The following CSNK1D variants were observed in gnomAD, a reference collection of about 807,000 sequenced individuals.
CSNK1D encodes the protein casein kinase 1 delta, also known as casein kinase I isoform delta.
Under a neutral mutation model 46.6 loss-of-function variants are expected in CSNK1D, and 16 were observed. That is an observed-to-expected ratio of 0.34 (90% CI 0.23 to 0.52). CSNK1D has a LOEUF of 0.52. Ranked by LOEUF, CSNK1D falls within the 20% of genes least tolerant of loss-of-function variation. The pLI is 0.95. For missense variants in CSNK1D, 398 were observed against 578.4 expected, an observed-to-expected ratio of 0.69 and a Z score of 3.20; for synonymous variants, 276 against 228.2, an observed-to-expected ratio of 1.21 and a Z score of -1.89.
At chr17:82,256,066 C>T (rs984012835) in intron 2 of CSNK1D, among the ~76,000 whole-genome samples, 1 of 152,124 alleles carries the variant, frequency 6.6e-6, no homozygotes, top group Admixed American at 6.5e-5. Flanking sequence ...AAGAGAAAAG[C>T]AAAAGCAATG....
intron 1 of CSNK1D, among the ~76,000 whole-genome samples, chr17:82,269,811 C>T (rs894883294): frequency 1.6e-4 from 24 of 152,252 alleles, no homozygotes; most frequent in African/African-American, 4.6e-4. Flanking sequence ...TCTAGCCTAG[C>T]CCAGCTGAAC....
At position 82,248,881 on chromosome 17, in the gene CSNK1D, G is replaced by A; in HGVS notation, c.1191C>T (p.Thr397=). The change falls in exon 8 of 9, where the codon ACC becomes ACT. Residue 397 remains threonine (T), a synonymous_variant. Coordinates refer to ENST00000314028, the MANE Select transcript of CSNK1D (RefSeq NM_001893.6). The surrounding 1 kb of genome is among the most constrained non-coding windows in gnomAD (Gnocchi z 4.1). ...TGRQDTSRMS[T]SQIPGRVASS... The stretch of plus-strand genomic sequence containing the variant: ...CCGGGAGCTCTGCACCTACCTGTGA[G>A]GTGGACATGCGAGAGGTATCTTGTC... 1 of 1,610,440 alleles carries A rather than the reference G, an allele frequency of 6.2e-7. No homozygotes were observed. The highest frequency in any genetic ancestry group is 8.5e-7 in the Non-Finnish European group (1 of 1,178,202).
chr17:82,270,396 G>C (rs1258471132), intron 1 of CSNK1D, among the ~76,000 whole-genome samples: 1 of 152,106 alleles, frequency 6.6e-6, no homozygotes, highest in African/African-American at 2.4e-5. Context: ...AGAAAAACAA[G>C]AACCCAAAAG....
At chr17:82,270,095 C>T (rs1235035436) in intron 1 of CSNK1D, among the ~76,000 whole-genome samples, 1 of 152,242 alleles carries the variant, frequency 6.6e-6, no homozygotes, top group Non-Finnish European at 1.5e-5. Flanking sequence ...TCCTGAAGGG[C>T]CTTGCGGATC....
At chr17:82,254,252 G>C (rs1344958387) in intron 3 of CSNK1D, 1 of 280,724 alleles carries the variant, frequency 3.6e-6, no homozygotes, top group Non-Finnish European at 6.5e-6. Context: ...GCAGTGCGCT[G>C]AGCCGCCGGA....
rs1475888900 is a variant in CSNK1D, at chr17:82,249,145, GCCA to G, written c.1058-134_1058-132del. Reference sequence around the variant, plus strand: ...AGTCAGGACCTGGCTGTGGCCGATGGCCACCAACACTCAGATCCGGCCGGAGGG... The same window carrying G: ...AGTCAGGACCTGGCTGTGGCCGATGGCCAACACTCAGATCCGGCCGGAGGG... On this transcript the variant is annotated intron_variant, in intron 7 of 8. Transcript: ENST00000314028. This position sits in a 1 kb window ranked among gnomAD's most constrained non-coding sequence, Gnocchi z 6.7. The G allele has an allele frequency of 6.1e-6, 7 of 1,152,520 alleles. No homozygotes were observed. The highest frequency in any genetic ancestry group is 7.3e-6 in the Non-Finnish European group (6 of 823,296). 71.4% of individuals were successfully genotyped at this position (1,152,520 alleles called of 1,614,324 possible).
chr17:82,253,861 C>A (rs778026212), intron 3 of CSNK1D: 1 of 247,988 alleles, frequency 4.0e-6, no homozygotes, highest in Non-Finnish European at 7.6e-6. Flanking sequence ...AGCCAGTCAG[C>A]TGAGCCGCCG....
intron 1 of CSNK1D, 116 bp from the exon 2 acceptor site, chr17:82,265,912 G>A: frequency 2.3e-6 from 2 of 861,746 alleles, no homozygotes; most frequent in South Asian, 1.3e-5. Flanking sequence ...TGAGGGATGT[G>A]TTCTCCTTCC....
intron 1 of CSNK1D, among the ~76,000 whole-genome samples, chr17:82,272,757 G>A (rs7209167): frequency 1.3e-5 from 2 of 152,076 alleles, no homozygotes; most frequent in African/African-American, 4.8e-5. Flanking sequence ...CACCGGGGCA[G>A]CCTCTGAGGG....
chr17:82,270,967 G>A (rs751989914), intron 1 of CSNK1D, among the ~76,000 whole-genome samples: 15 of 152,284 alleles, frequency 9.9e-5, no homozygotes, highest in Middle Eastern at 6.8e-3. Flanking sequence ...CTCCACCTCT[G>A]GAATTACTTG....
chr17:82,257,200 G>T (rs560895829), intron 2 of CSNK1D, among the ~76,000 whole-genome samples: 28 of 152,026 alleles, frequency 1.8e-4, no homozygotes, highest in African/African-American at 6.5e-4. Context: ...TTCTATCATG[G>T]TATCTTTTTC....
chr17:82,264,068 C>T (rs112038143), intron 2 of CSNK1D, among the ~76,000 whole-genome samples: 2,223 of 152,324 alleles, frequency 0.015, 44 homozygotes, highest in African/African-American at 0.05. Flanking sequence ...TTAGAAACGT[C>T]GGTTTCTTGT....
chr17:82,259,993 C>A (rs1402394576), intron 2 of CSNK1D, among the ~76,000 whole-genome samples: 1 of 149,388 alleles, frequency 6.7e-6, no homozygotes, highest in Non-Finnish European at 1.5e-5. Flanking sequence ...TGATGGTGTA[C>A]TGAGTGATGT....
chr17:82,249,070 G>C lies in CSNK1D; in HGVS notation c.1058-56C>G. 4.6e-6 allele frequency: 7 copies of C among 1,537,086 alleles called. No individual in the cohort carries two copies. Among genetic ancestry groups the C allele is most frequent in the Non-Finnish European group, 6.1e-6 (7 of 1,139,012 alleles). On this transcript the variant is annotated intron_variant, in intron 7 of 8. Coordinates refer to ENST00000314028, the MANE Select transcript of CSNK1D (RefSeq NM_001893.6). The surrounding 1 kb of genome is among the most constrained non-coding windows in gnomAD (Gnocchi z 6.7). ...GCCCCCGTCTGCTGCCTCTCACTCG[G>C]GGCTTTCTATGAGAGGCTGTGGCCA...
rs1314143712 is a variant in CSNK1D at position 82,242,751 on chromosome 17, G to C, written c.*2030C>G. 1 of 985,356 alleles carries C rather than the reference G, an allele frequency of 1.0e-6. No individual in the cohort carries two copies. Among genetic ancestry groups the C allele is most frequent in the African/African-American group, 1.7e-5 (1 of 57,246 alleles). The allele number at this position is 985,356 out of a possible 1,614,324, so 61.0% of individuals were successfully genotyped here. A position where few individuals can be genotyped will look rare whatever the true frequency, so the allele number is the denominator to read the frequency against. ...TGGCGATACAAACGCACAGCTCGGA[G>C]ACTGGCCGTCAGTGCACAGCTGACA... On this transcript the variant is annotated 3_prime_UTR_variant, in exon 9 of 9. Coordinates refer to ENST00000314028, the MANE Select transcript of CSNK1D (RefSeq NM_001893.6).
Position 82,249,138 on chromosome 17 carries a change from G to C in CSNK1D, c.1058-124C>G. The C allele has an allele frequency of 8.2e-7, 1 of 1,217,750 alleles. No homozygotes were observed. Among genetic ancestry groups the C allele is most frequent in the Non-Finnish European group, 1.1e-6 (1 of 881,378 alleles). The allele number at this position is 1,217,750 out of a possible 1,614,324, so 75.4% of individuals were successfully genotyped here. A position where few individuals can be genotyped will look rare whatever the true frequency, so the allele number is the denominator to read the frequency against. ...CCTGGACAGTCAGGACCTGGCTGTG[G>C]CCGATGGCCACCAACACTCAGATCC... On this transcript the variant is annotated intron_variant, in intron 7 of 8. Transcript: ENST00000314028. This position sits in a 1 kb window ranked among gnomAD's most constrained non-coding sequence, Gnocchi z 6.7.
Position 82,273,138 on chromosome 17 carries a change from C to A in CSNK1D, c.76+168G>T. 2.9e-6 allele frequency: 2 copies of A among 685,656 alleles called. No individual in the cohort carries two copies. The highest frequency in any genetic ancestry group is 5.7e-5 in the East Asian group (2 of 35,210). The allele number at this position is 685,656 out of a possible 1,614,324, so 42.5% of individuals were successfully genotyped here. On this transcript the variant is annotated intron_variant, in intron 1 of 8. Coordinates refer to ENST00000314028, the MANE Select transcript of CSNK1D (RefSeq NM_001893.6). The surrounding 1 kb of genome is among the most constrained non-coding windows in gnomAD (Gnocchi z 5.1). ...TCCGCTCCCCACTGCCCTCCCCACCCCTGGCCGCGCTAGCCTAGTGGCCGT... is the reference window on the plus strand; with the variant it reads ...TCCGCTCCCCACTGCCCTCCCCACCACTGGCCGCGCTAGCCTAGTGGCCGT...
At position 82,273,449 on chromosome 17, in the gene CSNK1D, G is replaced by A; in HGVS notation, c.-68C>T. 3 of 1,568,122 alleles carry A rather than the reference G, an allele frequency of 1.9e-6. No homozygotes were observed. Among genetic ancestry groups the A allele is most frequent in the Non-Finnish European group, 2.6e-6 (3 of 1,152,482 alleles). On this transcript the variant is annotated 5_prime_UTR_variant, in exon 1 of 9. Transcript: ENST00000314028. The surrounding 1 kb of genome is among the most constrained non-coding windows in gnomAD (Gnocchi z 5.1). ...CTGGGTCTGAACTCTGGGAGGCGGC[G>A]CCGCTGCTGCCGCTACTGCGGGTCC...
intron 2 of CSNK1D, among the ~76,000 whole-genome samples, chr17:82,256,187 G>GT (rs2051170128): frequency 6.6e-6 from 1 of 152,230 alleles, no homozygotes; most frequent in African/African-American, 2.4e-5. Context: ...TGGCTGCATA[G>GT]TATCAGTGCT....
Sources: allele counts gnomAD v4.1 joint callset (sites outside exome capture counted in the v4.1 genomes callset), GRCh38; gene constraint gnomAD v4.1.1; non-coding constraint Gnocchi (gnomAD v3.1); transcripts MANE v1.5; gene names NCBI Gene and HGNC (gene_info 2026-07-23, HGNC 2026-07-21).